Variants in IARS1 observed in about 807,000 individuals in gnomAD.
IARS1 encodes isoleucine--tRNA ligase, cytoplasmic.
In IARS1, 124 loss-of-function variants were observed where a neutral mutation model predicts 168.2. The observed-to-expected ratio is 0.74, with a 90% CI of 0.64 to 0.86. The LOEUF (loss-of-function observed/expected upper bound fraction) is 0.86. Among genes scored for constraint, IARS1 ranks in the 40% least tolerant of loss-of-function variants. The pLI, the probability that IARS1 is intolerant of heterozygous loss-of-function variation, is 0.00. For synonymous variants in IARS1, 532 were observed against 529.4 expected (o/e 1.00, Z -0.07); for missense variants, 1,452 against 1,515.8 (o/e 0.96, Z 0.70).
chr9:92,288,572 G>C (rs1185897324), intron 2 of IARS1, among the ~76,000 whole-genome samples: 3 of 151,954 alleles, frequency 2.0e-5, no homozygotes, highest in Non-Finnish European at 4.4e-5. Context: ...AGTAAAATAG[G>C]GCAATAAACC....
intron 6 of IARS1, 93 bp from the exon 7 acceptor site, chr9:92,280,986 T>A: frequency 1.2e-6 from 1 of 809,790 alleles, no homozygotes; most frequent in African/African-American, 1.8e-5. Context: ...ATAAAATAAA[T>A]CTTCAGGGTA....
intron 1 of IARS1, among the ~76,000 whole-genome samples, chr9:92,291,355 G>T (rs1242992309): frequency 6.6e-6 from 1 of 152,078 alleles, no homozygotes; most frequent in Non-Finnish European, 1.5e-5. Flanking sequence ...AAACAGTTTT[G>T]AAAGCATCAA....
chr9:92,213,281 C>A (rs1838076146), intron 33 of IARS1, among the ~76,000 whole-genome samples: 3 of 152,024 alleles, frequency 2.0e-5, no homozygotes, highest in Admixed American at 1.3e-4. Flanking sequence ...ACCGGGAAGT[C>A]CAACAAATCT....
chr9:92,285,872 C>G, intron 5 of IARS1, 33 bp from the exon 6 acceptor site: 2 of 1,204,786 alleles, frequency 1.7e-6, no homozygotes, highest in Non-Finnish European at 2.4e-6. Context: ...AATTACAGAA[C>G]AAAATTCTAT....
chr9:92,215,064 G>A (rs1229278154), intron 33 of IARS1, among the ~76,000 whole-genome samples: 4 of 152,188 alleles, frequency 2.6e-5, no homozygotes, highest in Admixed American at 2.6e-4. Flanking sequence ...CCAGCATGCA[G>A]CTGGAGATCT....
chr9:92,253,930 T>C (rs2133735896), intron 20 of IARS1: 1 of 454,780 alleles, frequency 2.2e-6, no homozygotes, highest in Non-Finnish European at 4.4e-6. Flanking sequence ...AGCAATTTTA[T>C]CCCATGGGAA....
chr9:92,229,910 TAC>T (rs1389441756), intron 30 of IARS1, among the ~76,000 whole-genome samples: 5 of 152,190 alleles, frequency 3.3e-5, no homozygotes, highest in Admixed American at 6.5e-5. Context: ...ATCATTAAGA[TAC>T]AGAGTAGTTC....
Position 92,210,895 on chromosome 9 carries a change from A to G in IARS1, c.3707-6T>C. ...GGGGATGTCTTCTGTAATTTCTAGA[A>G]TGGAAAGAAAAAGTTGAAAAAAAAT... On this transcript the variant is annotated splice_region_variant and splice_polypyrimidine_tract_variant and intron_variant, in intron 33 of 33. Coordinates refer to ENST00000443024, the MANE Select transcript of IARS1 (RefSeq NM_002161.6). 6.3e-7 allele frequency: 1 copy of G among 1,580,258 alleles called. No homozygotes were observed. The highest frequency in any genetic ancestry group is 8.7e-7 in the Non-Finnish European group (1 of 1,149,302).
At position 92,293,641 on chromosome 9, in the gene IARS1, G is replaced by A. The variant is rs775023461; in HGVS notation, c.-38C>T. 6 of 304,684 alleles carry A rather than the reference G, an allele frequency of 2.0e-5. No individual in the cohort carries two copies. The highest frequency in any genetic ancestry group is 4.2e-5 in the Non-Finnish European group (6 of 141,454). The allele number at this position is 304,684 out of a possible 1,614,324, so 18.9% of individuals were successfully genotyped here. On this transcript the variant is annotated 5_prime_UTR_variant, in exon 1 of 34. Coordinates refer to ENST00000443024, the MANE Select transcript of IARS1 (RefSeq NM_002161.6). ...GGGCCTCGCGTGCCTGGACAGCCCC[G>A]CGGGCCAGCAAGCCTAAAAGCAACT...
chr9:92,264,723 A>G (rs566660318), intron 16 of IARS1, among the ~76,000 whole-genome samples: 1 of 152,318 alleles, frequency 6.6e-6, no homozygotes, highest in South Asian at 2.1e-4. Flanking sequence ...TTGTAAAACT[A>G]CAGCCCTATT....
intron 14 of IARS1, among the ~76,000 whole-genome samples, chr9:92,266,878 T>TAAACTACTTTTC (rs1832357308): frequency 6.6e-6 from 1 of 152,218 alleles, no homozygotes; most frequent in African/African-American, 2.4e-5. Flanking sequence ...ATAAGCCAAA[T>TAAACTACTTTTC]AAACTACTTT....
At chr9:92,264,868 A>G in intron 16 of IARS1, 61 bp downstream of exon 16, 1 of 1,434,894 alleles carries the variant, frequency 7.0e-7, no homozygotes, top group Non-Finnish European at 9.5e-7. Context: ...TGACTTAGTA[A>G]AATACTCCCT....
intron 16 of IARS1, 51 bp from the exon 17 acceptor site, chr9:92,263,106 A>G (rs769354452): frequency 7.3e-6 from 9 of 1,233,838 alleles, no homozygotes; most frequent in South Asian, 1.2e-5. Context: ...AAGTCCAAGC[A>G]TAAGAAAGAA....
chr9:92,265,778 C>A (rs1487668747), intron 14 of IARS1, among the ~76,000 whole-genome samples: 2 of 152,248 alleles, frequency 1.3e-5, no homozygotes, highest in South Asian at 2.1e-4. Context: ...TCACCTAAGC[C>A]TCCCAAGTAC....
chr9:92,289,136 G>A (rs1835913275), intron 2 of IARS1, among the ~76,000 whole-genome samples, 165 bp downstream of exon 2: 1 of 150,550 alleles, frequency 6.6e-6, no homozygotes, highest in Non-Finnish European at 1.5e-5. Flanking sequence ...GCATCCGGGA[G>A]GCAGAGGTAG....
chr9:92,213,099 A>C (rs1838038480), intron 33 of IARS1, among the ~76,000 whole-genome samples: 1 of 152,138 alleles, frequency 6.6e-6, no homozygotes. Context: ...TCATGACAGA[A>C]AATTTAAAAG....
intron 1 of IARS1, among the ~76,000 whole-genome samples, chr9:92,292,051 C>CT (rs1836435578): frequency 7.0e-6 from 1 of 142,978 alleles, no homozygotes; most frequent in African/African-American, 2.7e-5. Flanking sequence ...GTGGCTCACT[C>CT]TGTCACCTAG....
At chr9:92,271,689 CA>C in intron 10 of IARS1, 34 bp from the exon 11 acceptor site, 1 of 1,611,980 alleles carries the variant, frequency 6.2e-7, no homozygotes, top group Non-Finnish European at 8.5e-7. Flanking sequence ...AAGAATAAAA[CA>C]GTCTATGTAT....
Position 92,251,805 on chromosome 9 carries a change from T to A in IARS1, c.2307+3A>T. ...GGTACTAGAAAGAAGCCAATCATCT[T>A]ACCATAAGTCTGCAAAGAGAAAGCA... On this transcript the variant is annotated splice_donor_region_variant and intron_variant, in intron 22 of 33. Transcript: ENST00000443024. 6.2e-7 allele frequency: 1 copy of A among 1,612,286 alleles called. No homozygotes were observed. Among genetic ancestry groups the A allele is most frequent in the Non-Finnish European group, 8.5e-7 (1 of 1,178,306 alleles).
Sources: allele counts gnomAD v4.1 joint callset (sites outside exome capture counted in the v4.1 genomes callset), GRCh38; gene constraint gnomAD v4.1.1; transcripts MANE v1.5; gene names NCBI Gene and HGNC (gene_info 2026-07-23, HGNC 2026-07-21).